Variants in PPP1R1C observed in about 807,000 individuals in gnomAD.
The protein encoded by PPP1R1C is protein phosphatase 1 regulatory subunit 1C.
In PPP1R1C, 15 loss-of-function variants were observed where a neutral mutation model predicts 17.4. The observed-to-expected ratio is 0.86, with a 90% CI of 0.58 to 1.33. The LOEUF (loss-of-function observed/expected upper bound fraction) is 1.33, where lower values mean the gene tolerates loss of function less well. Among genes scored for constraint, PPP1R1C ranks in the 40% most tolerant of loss-of-function variants. PPP1R1C has a pLI of 0.00. For missense variants in PPP1R1C, 143 were observed against 130.0 expected, an observed-to-expected ratio of 1.10 and a Z score of -0.48; for synonymous variants, 35 against 43.1, an observed-to-expected ratio of 0.81 and a Z score of 0.73.
At chr2:182,109,179 T>C (rs1326972146) in intron 4 of PPP1R1C, among the ~76,000 whole-genome samples, 1 of 152,232 alleles carries the variant, frequency 6.6e-6, no homozygotes, top group Admixed American at 6.5e-5. Context: ...TTTTCCATTC[T>C]TAATTGGATT....
intron 5 of PPP1R1C, among the ~76,000 whole-genome samples, chr2:182,128,358 C>T (rs944504109): frequency 3.3e-5 from 5 of 152,034 alleles, no homozygotes; most frequent in Non-Finnish European, 5.9e-5. Context: ...CACTCTAGAA[C>T]TGAGTTTTCT....
chr2:182,019,391 C>T (rs1485953618), intron 2 of PPP1R1C, among the ~76,000 whole-genome samples: 1 of 152,168 alleles, frequency 6.6e-6, no homozygotes, highest in Admixed American at 6.5e-5. Context: ...TTTTACAGCT[C>T]TACTGGGCAC....
At chr2:182,120,687 C>T (rs1480448989), downstream of PPP1R1C, among the ~76,000 whole-genome samples, 1 of 152,178 alleles carries the variant, frequency 6.6e-6, no homozygotes, top group Non-Finnish European at 1.5e-5. Context: ...AGGTGCTAAA[C>T]ATAACATTGC....
intron 2 of PPP1R1C, among the ~76,000 whole-genome samples, chr2:182,041,089 C>T (rs577167121): frequency 4.2e-4 from 64 of 152,180 alleles, no homozygotes; most frequent in African/African-American, 1.2e-3. Flanking sequence ...TAATGCGATA[C>T]GTCCAGATTT....
chr2:182,041,095 G>A (rs900993549), intron 2 of PPP1R1C, among the ~76,000 whole-genome samples: 2 of 152,106 alleles, frequency 1.3e-5, no homozygotes, highest in Admixed American at 6.6e-5. Flanking sequence ...GATACGTCCA[G>A]ATTTGTTCAT....
intron 2 of PPP1R1C, among the ~76,000 whole-genome samples, chr2:182,006,521 C>T (rs781653140): frequency 2.0e-5 from 3 of 152,110 alleles, no homozygotes; most frequent in Admixed American, 6.6e-5. Context: ...TTCTCAGGCC[C>T]GAAGGATAAG....
chr2:182,041,125 C>T (rs181612479), intron 2 of PPP1R1C, among the ~76,000 whole-genome samples: 4 of 152,202 alleles, frequency 2.6e-5, no homozygotes, highest in African/African-American at 9.6e-5. Context: ...GATTGCTTTG[C>T]TCTTCAGGCT....
At chr2:182,056,251 G>A (rs933982636) in intron 2 of PPP1R1C, among the ~76,000 whole-genome samples, 1 of 152,218 alleles carries the variant, frequency 6.6e-6, no homozygotes, top group African/African-American at 2.4e-5. Flanking sequence ...GTTCTGCTGA[G>A]AGATTAGAAG....
intron 4 of PPP1R1C, among the ~76,000 whole-genome samples, chr2:182,069,757 C>G (rs1688089404): frequency 6.6e-6 from 1 of 152,128 alleles, no homozygotes; most frequent in Non-Finnish European, 1.5e-5. Context: ...TTATATTTCT[C>G]TGTATAAATA....
chr2:181,980,011 T>C (rs1176127798), intron 2 of PPP1R1C, among the ~76,000 whole-genome samples: 1 of 152,214 alleles, frequency 6.6e-6, no homozygotes, highest in Non-Finnish European at 1.5e-5. Flanking sequence ...CTATAACTCC[T>C]TTTGATCATG....
At chr2:181,956,749 A>T (rs1684676686) in intron 1 of PPP1R1C, among the ~76,000 whole-genome samples, 1 of 152,096 alleles carries the variant, frequency 6.6e-6, no homozygotes, top group African/African-American at 2.4e-5. Context: ...GGTAATTTTG[A>T]TTACCATTCA....
chr2:182,128,786 T>C (rs1689937557), intron 5 of PPP1R1C, among the ~76,000 whole-genome samples: 1 of 152,128 alleles, frequency 6.6e-6, no homozygotes, highest in South Asian at 2.1e-4. Flanking sequence ...AATTTAGAAG[T>C]TCTTCCAGGA....
At chr2:182,029,136 A>C (rs1353390937) in intron 2 of PPP1R1C, among the ~76,000 whole-genome samples, 2 of 144,670 alleles carry the variant, frequency 1.4e-5, no homozygotes, top group African/African-American at 2.6e-5. Context: ...TCCTGAATAC[A>C]GCACACTGAT....
Position 182,016,825 on chromosome 2 carries a change from G to A in PPP1R1C, c.142+28926G>A, listed in dbSNP as rs1574379844. On this transcript the variant is annotated intron_variant, in intron 2 of 4. Transcript: ENST00000682840. The stretch of plus-strand genomic sequence containing the variant: ...TGAGTTCCTGATTTTATTGTCAGTT[G>A]TACTTATCCTTCTGTTAGCAACTTA... Among the ~76,000 whole-genome samples the A allele has an allele frequency of 2.0e-5, 3 of 152,096 alleles. No homozygotes were observed. The East Asian group carries it at 5.8e-4, about 29-fold the overall frequency.
At chr2:181,981,666 T>C (rs1038890567), upstream of PPP1R1C, among the ~76,000 whole-genome samples, 4 of 152,216 alleles carry the variant, frequency 2.6e-5, no homozygotes, top group African/African-American at 7.2e-5. Context: ...ACAGGTTACA[T>C]TGAATATAAT....
chr2:181,966,340 G>A (rs1035727574), intron 1 of PPP1R1C, among the ~76,000 whole-genome samples: 2 of 152,080 alleles, frequency 1.3e-5, no homozygotes, highest in Non-Finnish European at 2.9e-5. Context: ...CCAGTACCAT[G>A]TTGAATAACA....
At chr2:182,002,939 C>A (rs561741478) in intron 2 of PPP1R1C, among the ~76,000 whole-genome samples, 43 of 141,578 alleles carry the variant, frequency 3.0e-4, no homozygotes, top group African/African-American at 9.9e-4. Flanking sequence ...CTCCCCCCCC[C>A]CACAACCCTG....
intron 2 of PPP1R1C, among the ~76,000 whole-genome samples, chr2:182,019,511 C>A (rs1365811148): frequency 2.6e-5 from 4 of 152,112 alleles, no homozygotes; most frequent in Admixed American, 1.3e-4. Context: ...GCTGTTTGTT[C>A]AAAAATGATT....
At chr2:182,023,802 T>C (rs1686506877) in intron 2 of PPP1R1C, 1 of 151,978 alleles carries the variant, frequency 6.6e-6, no homozygotes, top group Non-Finnish European at 1.5e-5. Flanking sequence ...TAATTTATTG[T>C]TTTTAATTTT....
Sources: gnomAD v4.1 joint callset for allele counts (sites outside exome capture counted in the v4.1 genomes callset) on GRCh38, gnomAD v4.1.1 for gene constraint, MANE v1.5 for transcripts, NCBI Gene and HGNC (gene_info 2026-07-23, HGNC 2026-07-21) for gene names.